RALYL: variants seen among roughly 807,000 people sequenced by gnomAD.
RALYL encodes the protein RNA-binding Raly-like protein.
A neutral mutation model predicts 35.1 loss-of-function variants in RALYL; 29 were observed. That is an observed-to-expected ratio of 0.83 (90% confidence interval 0.61 to 1.13). The LOEUF (loss-of-function observed/expected upper bound fraction) is 1.13, where lower values mean the gene tolerates loss of function less well. RALYL is among the 50% of genes most tolerant of loss of function. RALYL has a pLI of 0.00. For synonymous variants in RALYL, 120 were observed against 127.6 expected (o/e 0.94, Z 0.40); for missense variants, 359 against 360.4 (o/e 1.00, Z 0.03).
chr8:84,363,702 G>T (rs577744803), intron 1 of RALYL, among the ~76,000 whole-genome samples: 1 of 152,126 alleles, frequency 6.6e-6, no homozygotes, highest in African/African-American at 2.4e-5. Flanking sequence ...GCGTAAAAAC[G>T]GATGAATAAG....
intron 1 of RALYL, among the ~76,000 whole-genome samples, chr8:84,486,929 A>G (rs939505880): frequency 6.6e-6 from 1 of 152,054 alleles, no homozygotes; most frequent in Non-Finnish European, 1.5e-5. Flanking sequence ...GAATCGATTC[A>G]TCTTGTATCA....
At chr8:84,214,132 T>C (rs1347561542) in intron 1 of RALYL, among the ~76,000 whole-genome samples, 1 of 152,126 alleles carries the variant, frequency 6.6e-6, no homozygotes. Flanking sequence ...TTATAGAATA[T>C]ACTTAATTAG....
intron 2 of RALYL, among the ~76,000 whole-genome samples, chr8:84,724,908 A>G (rs140661620): frequency 1.3e-3 from 194 of 151,826 alleles, no homozygotes; most frequent in African/African-American, 4.4e-3. Flanking sequence ...CTTCAATGCT[A>G]TGTTCATCAT....
chr8:84,356,909 AGTG>A (rs1328649881), intron 1 of RALYL, among the ~76,000 whole-genome samples: 4,261 of 145,012 alleles, frequency 0.029, 224 homozygotes, highest in African/African-American at 0.048. Flanking sequence ...TAGAGTAAAT[AGTG>A]TTTGCAGCAA....
chr8:84,204,612 G>T (rs1202894691), intron 1 of RALYL, among the ~76,000 whole-genome samples: 1 of 152,020 alleles, frequency 6.6e-6, no homozygotes, highest in African/African-American at 2.4e-5. Context: ...CAAAAATGTT[G>T]TCTCACCATA....
At chr8:84,643,084 A>G (rs1376524517) in intron 2 of RALYL, among the ~76,000 whole-genome samples, 2 of 151,894 alleles carry the variant, frequency 1.3e-5, no homozygotes, top group African/African-American at 4.8e-5. Flanking sequence ...GCCCACACAC[A>G]AAGGTCACAC....
At chr8:84,848,207 T>C (rs1835048802) in intron 4 of RALYL, among the ~76,000 whole-genome samples, 1 of 152,066 alleles carries the variant, frequency 6.6e-6, no homozygotes, top group African/African-American at 2.4e-5. Context: ...CCAGTGCTCA[T>C]AGAAACACTA....
intron 1 of RALYL, among the ~76,000 whole-genome samples, chr8:84,382,764 C>T (rs1858291437): frequency 1.3e-5 from 2 of 151,572 alleles, no homozygotes; most frequent in South Asian, 2.1e-4. Flanking sequence ...GGTCCCTGTG[C>T]TGCCATATGT....
rs201891397 is a variant in RALYL at position 84,605,709 on chromosome 8, A to G, written c.256+76132A>G. Among the ~76,000 whole-genome samples the G allele has an allele frequency of 5.9e-5, 9 of 152,124 alleles. No homozygotes were observed. The East Asian group carries it at 1.7e-3, about 30-fold the overall frequency. On this transcript the variant is annotated intron_variant, in intron 2 of 8. Transcript: ENST00000521268. ...CATGGGCATGCCCTGTAAATCCCCA[A>G]ATGTACTGGCAATCTTTTTCTCCCT...
chr8:84,328,018 A>G (rs2130622337), intron 1 of RALYL, among the ~76,000 whole-genome samples: 1 of 152,354 alleles, frequency 6.6e-6, no homozygotes, highest in East Asian at 1.9e-4. Context: ...ACACTTTCAC[A>G]GTGAAAGCAT....
At chr8:84,601,532 C>A (rs1588443089) in intron 2 of RALYL, among the ~76,000 whole-genome samples, 1 of 152,046 alleles carries the variant, frequency 6.6e-6, no homozygotes, top group South Asian at 2.1e-4. Flanking sequence ...TCAGATGAAG[C>A]TGGTTTTGCT....
chr8:84,221,709 C>T (rs997584304), intron 1 of RALYL, among the ~76,000 whole-genome samples: 6 of 152,016 alleles, frequency 3.9e-5, no homozygotes, highest in South Asian at 2.1e-4. Flanking sequence ...TCTTCCCAAT[C>T]ATATCATGAC....
intron 2 of RALYL, among the ~76,000 whole-genome samples, chr8:84,611,746 A>T (rs963859853): frequency 1.3e-5 from 2 of 152,098 alleles, no homozygotes; most frequent in African/African-American, 4.8e-5. Flanking sequence ...CTGTTTTTAG[A>T]ATACTTTTCA....
At chr8:84,273,574 C>T (rs1004088825) in intron 1 of RALYL, among the ~76,000 whole-genome samples, 1 of 152,238 alleles carries the variant, frequency 6.6e-6, no homozygotes, top group Non-Finnish European at 1.5e-5. Context: ...GTGGAGTCAT[C>T]ATACCATCTC....
intron 2 of RALYL, among the ~76,000 whole-genome samples, chr8:84,757,971 CAG>C (rs149986706): frequency 0.014 from 2,196 of 152,148 alleles, 52 homozygotes; most frequent in African/African-American, 0.05. Flanking sequence ...GAAAAAACAA[CAG>C]AGAGAAAAAC....
In RALYL at chr8:84,638,965, G is replaced by GACACACACAC. The variant is rs60361195; in HGVS notation, c.256+109416_256+109425dup. Among the ~76,000 whole-genome samples, 40 of 116,074 alleles carry GACACACACAC rather than the reference G, an allele frequency of 3.4e-4. 1 individual carries two copies. Among genetic ancestry groups the GACACACACAC allele is most frequent in the African/African-American group, 1.2e-3 (36 of 29,190 alleles). 76.1% of individuals were successfully genotyped at this position (116,074 alleles called of 152,430 possible). A position where few individuals can be genotyped will look rare whatever the true frequency, so the allele number is the denominator to read the frequency against. ...ATATATATGTACACACACACACACA[G>GACACACACAC]ACACACACACACACACACACACACA... On this transcript the variant is annotated intron_variant, in intron 2 of 8. Coordinates refer to ENST00000521268, the MANE Select transcript of RALYL (RefSeq NM_173848.7).
At chr8:84,234,125 A>C (rs1825962772) in intron 1 of RALYL, among the ~76,000 whole-genome samples, 1 of 152,178 alleles carries the variant, frequency 6.6e-6, no homozygotes, top group African/African-American at 2.4e-5. Flanking sequence ...AAAGCCAGAT[A>C]ACTCCAATAA....
chr8:84,771,777 C>T (rs973885887), intron 2 of RALYL, among the ~76,000 whole-genome samples: 2 of 151,888 alleles, frequency 1.3e-5, no homozygotes, highest in Non-Finnish European at 2.9e-5. Context: ...CCTATATATT[C>T]AAGAAACAAA....
chr8:84,631,249 G>C (rs1351000079), intron 2 of RALYL, among the ~76,000 whole-genome samples: 1 of 151,974 alleles, frequency 6.6e-6, no homozygotes, highest in Admixed American at 6.6e-5. Flanking sequence ...AATATGGACT[G>C]TATGAAAATG....
Sources: gnomAD v4.1 joint callset for allele counts (sites outside exome capture counted in the v4.1 genomes callset) on GRCh38, gnomAD v4.1.1 for gene constraint, MANE v1.5 for transcripts, NCBI Gene and HGNC (gene_info 2026-07-23, HGNC 2026-07-21) for gene names.